COL18A1: variants seen among roughly 807,000 people sequenced by gnomAD.
COL18A1 encodes the protein collagen type XVIII alpha 1 chain, also known as collagen alpha-1(XVIII) chain.
Under a neutral mutation model 168.0 loss-of-function variants are expected in COL18A1, and 133 were observed. That is an observed-to-expected ratio of 0.79 (90% CI 0.69 to 0.91). The LOEUF (loss-of-function observed/expected upper bound fraction) is 0.91. Among genes scored for constraint, COL18A1 ranks in the 40% least tolerant of loss-of-function variants. COL18A1 has a pLI of 0.00. For synonymous variants in COL18A1, 949 were observed against 809.0 expected (o/e 1.17, Z -2.94); for missense variants, 2,126 against 1,925.4 (o/e 1.10, Z -1.95).
At position 45,498,501 on chromosome 21, in the gene COL18A1, C is replaced by T. The variant is rs370217868; in HGVS notation, c.2683+840C>T. On this transcript the variant is annotated intron_variant, in intron 32 of 41. Transcript: ENST00000651438. The surrounding 1 kb of genome is among the most constrained non-coding windows in gnomAD (Gnocchi z 4.5). ...CGCCGCCAGGGTCCCCTCTCGCTGCCAGGGTCCTCTGCAGAGGAGGCCGCC... is the reference window on the plus strand; with the variant it reads ...CGCCGCCAGGGTCCCCTCTCGCTGCTAGGGTCCTCTGCAGAGGAGGCCGCC... 2 of 715,856 alleles carry T rather than the reference C, an allele frequency of 2.8e-6. No individual in the cohort carries two copies. Among genetic ancestry groups the T allele is most frequent in the East Asian group, 2.7e-5 (1 of 37,262 alleles). The allele number at this position is 715,856 out of a possible 1,614,324, so 44.3% of individuals were successfully genotyped here.
Position 45,457,226 on chromosome 21 carries a change from C to T in COL18A1, c.107-11016C>T, listed in dbSNP as rs139024633. ...GGGAAACTGAGGCGTGGGGCAGTGG[C>T]GTGACTCACCCCAGGGAGCCGAGAT... On this transcript the variant is annotated intron_variant, in intron 2 of 41. Transcript: ENST00000651438. This position sits in a 1 kb window ranked among gnomAD's most constrained non-coding sequence, Gnocchi z 4.6. Among the ~76,000 whole-genome samples, 3,178 of 152,290 alleles carry T rather than the reference C, an allele frequency of 0.021. 40 individuals carry two copies. The highest frequency in any genetic ancestry group is 0.028 in the Non-Finnish European group (1,923 of 68,018).
chr21:45,467,635 A>T (rs1291201723), intron 2 of COL18A1, among the ~76,000 whole-genome samples: 3 of 152,180 alleles, frequency 2.0e-5, no homozygotes, highest in Admixed American at 6.5e-5. Flanking sequence ...GACGCCCCGT[A>T]GCCGAGGCTT....
At position 45,492,747 on chromosome 21, in the gene COL18A1, C is replaced by CGCCACTGCCCTCCT. The variant is rs757018552; in HGVS notation, c.2214+35_2214+36insCCACTGCCCTCCTG. The CGCCACTGCCCTCCT allele has an allele frequency of 2.8e-5, 43 of 1,539,596 alleles. 1 individual carries two copies. The South Asian group carries it at 2.9e-4, about 10-fold the overall frequency. On this transcript the variant is annotated intron_variant, in intron 24 of 41. Coordinates refer to ENST00000651438, the MANE Select transcript of COL18A1 (RefSeq NM_001379500.1). ...CCTGGTGCCAGAGCTGCATGCTGCC[C>CGCCACTGCCCTCCT]GGCTGGGGAGGGGTCTCCACCTGGT...
chr21:45,509,189 C>A (rs553351641), intron 38 of COL18A1, among the ~76,000 whole-genome samples, 167 bp from the exon 39 acceptor site: 3 of 152,062 alleles, frequency 2.0e-5, no homozygotes, highest in Admixed American at 2.0e-4. Flanking sequence ...GACTCCCCAC[C>A]CTTGCTGCTG....
intron 41 of COL18A1, 61 bp from the exon 42 acceptor site, chr21:45,512,127 G>A: frequency 6.5e-7 from 1 of 1,544,174 alleles, no homozygotes; most frequent in Non-Finnish European, 8.8e-7. Flanking sequence ...TGCCCGGGGA[G>A]CGGCCTCTGC....
intron 38 of COL18A1, among the ~76,000 whole-genome samples, chr21:45,508,463 ATGGACAGGTGGGTGAGTGGATGGGTGGG>A (rs1356269001): frequency 7.0e-5 from 5 of 71,780 alleles, no homozygotes; most frequent in African/African-American, 2.4e-4. Context: ...GGATGGGTGG[ATGGACAGGTGGGTGAGTGGATGGGTGGG>A]TGGATGGATG....
chr21:45,489,660 C>G, intron 19 of COL18A1, 139 bp downstream of exon 19: 1 of 654,978 alleles, frequency 1.5e-6, no homozygotes, highest in Non-Finnish European at 2.6e-6. Context: ...TGAAGACGTG[C>G]TGGTTTCAAA....
intron 18 of COL18A1, 102 bp from the exon 19 acceptor site, chr21:45,489,384 A>T: frequency 1.2e-6 from 1 of 862,268 alleles, no homozygotes. Flanking sequence ...GGGCGGTGAG[A>T]TGCATCCTGG....
chr21:45,450,345 C>T (rs753220889), intron 2 of COL18A1, among the ~76,000 whole-genome samples: 6 of 152,142 alleles, frequency 3.9e-5, no homozygotes, highest in Non-Finnish European at 8.8e-5. Flanking sequence ...CCTTCAGGGT[C>T]GAGGTGTGGG....
chr21:45,477,327 C>A, intron 6 of COL18A1, 84 bp from the exon 7 acceptor site: 1 of 1,114,824 alleles, frequency 9.0e-7, no homozygotes, highest in Non-Finnish European at 1.3e-6. Context: ...AGCGTTTGGG[C>A]TGCCGGGGCC....
chr21:45,474,102 G>C (rs528473687), intron 4 of COL18A1, 121 bp downstream of exon 4: 1 of 744,712 alleles, frequency 1.3e-6, no homozygotes, highest in African/African-American at 1.7e-5. Context: ...GGGAAGCTGC[G>C]ATACCATTTC....
intron 15 of COL18A1, among the ~76,000 whole-genome samples, chr21:45,485,916 G>A (rs2036092132): frequency 6.6e-6 from 1 of 152,218 alleles, no homozygotes; most frequent in Admixed American, 6.5e-5. Flanking sequence ...ATTCCGCTCT[G>A]TCCCGAGCCT....
At chr21:45,431,556 G>A (rs1282367774) in intron 2 of COL18A1, among the ~76,000 whole-genome samples, 1 of 149,758 alleles carries the variant, frequency 6.7e-6, no homozygotes, top group African/African-American at 2.5e-5. Flanking sequence ...AGGGGAGGGG[G>A]GCAGGCAGGA....
At chr21:45,488,376 G>A (rs1196885019) in intron 17 of COL18A1, 42 bp from the exon 18 acceptor site, 1 of 1,613,382 alleles carries the variant, frequency 6.2e-7, no homozygotes, top group Admixed American at 1.7e-5. Context: ...TCACAGCAGG[G>A]CCTCCAGCTG....
At position 45,443,568 on chromosome 21, in the gene COL18A1, G is replaced by T. The variant is rs190178147; in HGVS notation, c.107-24674G>T. 6.6e-6 allele frequency among the ~76,000 whole-genome samples: 1 copy of T among 152,204 alleles called. No homozygotes were observed. The highest frequency in any genetic ancestry group is 1.9e-4 in the East Asian group (1 of 5,166). ...GGTCTCTCGGGACCTAGGAGGTCCCGGGGTGTGGACTGTGCTGAACTGTTC... is the reference window on the plus strand; with the variant it reads ...GGTCTCTCGGGACCTAGGAGGTCCCTGGGTGTGGACTGTGCTGAACTGTTC... On this transcript the variant is annotated intron_variant, in intron 2 of 41. Coordinates refer to ENST00000651438, the MANE Select transcript of COL18A1 (RefSeq NM_001379500.1). The surrounding 1 kb of genome is among the most constrained non-coding windows in gnomAD (Gnocchi z 5.2).
intron 26 of COL18A1, 110 bp downstream of exon 26, chr21:45,493,685 C>A: frequency 1.2e-6 from 1 of 821,228 alleles, no homozygotes. Context: ...GAGCCTCTCC[C>A]AAGCAGGGCT....
chr21:45,438,477 G>A (rs1448588187), intron 2 of COL18A1, among the ~76,000 whole-genome samples: 1 of 152,234 alleles, frequency 6.6e-6, no homozygotes, highest in Non-Finnish European at 1.5e-5. Flanking sequence ...ACGGAGTGCC[G>A]GTCACACTGT....
In COL18A1 at chr21:45,498,995, C is replaced by T. The variant is rs528589329; in HGVS notation, c.2683+1334C>T. On this transcript the variant is annotated intron_variant, in intron 32 of 41. Transcript: ENST00000651438. This position sits in a 1 kb window ranked among gnomAD's most constrained non-coding sequence, Gnocchi z 4.5. The stretch of plus-strand genomic sequence containing the variant: ...AGCCAGAACGAGGGCTCCGAGGGCT[C>T]TAGAGGGAACAGTGTTTGCAGGCGG... Among the ~76,000 whole-genome samples, 2 of 152,272 alleles carry T rather than the reference C, an allele frequency of 1.3e-5. No individual in the cohort carries two copies. The highest frequency in any genetic ancestry group is 3.9e-4 in the East Asian group (2 of 5,184).
At chr21:45,475,292 G>A in intron 4 of COL18A1, among the ~76,000 whole-genome samples, 184 bp from the exon 5 acceptor site, 1 of 152,228 alleles carries the variant, frequency 6.6e-6, no homozygotes. Flanking sequence ...CTCAGATGGT[G>A]CCTGGGCAGG....
Sources: allele counts gnomAD v4.1 joint callset (sites outside exome capture counted in the v4.1 genomes callset), GRCh38; gene constraint gnomAD v4.1.1; non-coding constraint Gnocchi (gnomAD v3.1); transcripts MANE v1.5; gene names NCBI Gene and HGNC (gene_info 2026-07-23, HGNC 2026-07-21).